The following SPRED2 variants were observed in gnomAD, a reference collection of about 807,000 sequenced individuals.
SPRED2 encodes the protein sprouty-related, EVH1 domain-containing protein 2.
Under a neutral mutation model 43.0 loss-of-function variants are expected in SPRED2, and 47 were observed. That is an observed-to-expected ratio of 1.09 (90% confidence interval 0.87 to 1.40). The LOEUF (loss-of-function observed/expected upper bound fraction) is 1.40. SPRED2 is among the 40% of genes most tolerant of loss of function. The pLI is 0.00. For missense variants in SPRED2, 561 were observed against 586.4 expected, an observed-to-expected ratio of 0.96 and a Z score of 0.45; for synonymous variants, 225 against 225.7, an observed-to-expected ratio of 1.00 and a Z score of 0.03.
intron 4 of SPRED2, among the ~76,000 whole-genome samples, chr2:65,322,834 A>G (rs1673471694): frequency 1.3e-5 from 2 of 152,202 alleles, no homozygotes; most frequent in Admixed American, 1.3e-4. Context: ...ATTAGATGTT[A>G]TTAGATGATT....
At chr2:65,398,979 A>G (rs965570834) in intron 1 of SPRED2, among the ~76,000 whole-genome samples, 10 of 152,182 alleles carry the variant, frequency 6.6e-5, no homozygotes, top group Admixed American at 6.5e-5. Flanking sequence ...CAACAAGTGG[A>G]TAGAGAAAAT....
chr2:65,348,742 G>A (rs1212382149), intron 1 of SPRED2, among the ~76,000 whole-genome samples: 2 of 150,374 alleles, frequency 1.3e-5, no homozygotes, highest in African/African-American at 4.9e-5. Flanking sequence ...AGGCAGAGCT[G>A]AGATCGCGCC....
chr2:65,410,526 G>A (rs1572900343), intron 1 of SPRED2, among the ~76,000 whole-genome samples: 1 of 152,068 alleles, frequency 6.6e-6, no homozygotes, highest in Non-Finnish European at 1.5e-5. Context: ...TTGGGAGGCC[G>A]AGGCGGGCGG....
At chr2:65,366,792 G>A in intron 1 of SPRED2, 1 of 1,312,916 alleles carries the variant, frequency 7.6e-7, no homozygotes, top group Non-Finnish European at 9.7e-7. Flanking sequence ...TCATCCGAGG[G>A]TTAGTCCGCA....
In SPRED2 at chr2:65,428,914, T is replaced by A. The variant is rs950282009; in HGVS notation, c.26+3048A>T. 2.7e-4 allele frequency among the ~76,000 whole-genome samples: 41 copies of A among 152,254 alleles called. 1 individual carries two copies. Among genetic ancestry groups the A allele is most frequent in the Admixed American group, 2.5e-3 (38 of 15,290 alleles). ...CCTATGCACAGAGGACGACTTACAA[T>A]AGTTTGCTGATGCTCTTCGCTTCTT... On this transcript the variant is annotated intron_variant, in intron 1 of 5. Coordinates refer to ENST00000356388, the MANE Select transcript of SPRED2 (RefSeq NM_181784.3).
intron 5 of SPRED2, 49 bp downstream of exon 5, chr2:65,316,685 A>T (rs2104117896): frequency 1.3e-6 from 2 of 1,567,980 alleles, no homozygotes; most frequent in Non-Finnish European, 1.7e-6. Flanking sequence ...CCATTCCAGA[A>T]TCAGAGGCAC....
intron 1 of SPRED2, chr2:65,377,527 A>G (rs1395705128): frequency 4.3e-6 from 2 of 467,338 alleles, no homozygotes; most frequent in African/African-American, 4.0e-5. Flanking sequence ...AAATTCTAAC[A>G]GTGTTCGGTC....
At chr2:65,343,633 T>A (rs1025046164) in intron 2 of SPRED2, among the ~76,000 whole-genome samples, 2 of 152,202 alleles carry the variant, frequency 1.3e-5, no homozygotes, top group South Asian at 4.1e-4. Flanking sequence ...CACTCCATGA[T>A]CAAATACAGA....
intron 1 of SPRED2, among the ~76,000 whole-genome samples, chr2:65,413,884 C>T (rs1213100484): frequency 1.3e-5 from 2 of 152,102 alleles, no homozygotes; most frequent in Admixed American, 6.5e-5. Context: ...GGCCAGAAAG[C>T]GTCAAATCTA....
At chr2:65,361,824 C>G (rs779294777) in intron 1 of SPRED2, among the ~76,000 whole-genome samples, 2 of 152,182 alleles carry the variant, frequency 1.3e-5, no homozygotes, top group Non-Finnish European at 2.9e-5. Flanking sequence ...CTCTTCACCC[C>G]TCCCAAGCAG....
chr2:65,388,453 G>A (rs971048127), intron 1 of SPRED2, among the ~76,000 whole-genome samples: 1 of 152,098 alleles, frequency 6.6e-6, no homozygotes, highest in African/African-American at 2.4e-5. Context: ...CTTGATCCTG[G>A]GCCTTGAAAA....
In SPRED2 at chr2:65,312,099, T is replaced by C; in HGVS notation, c.*1402A>G. The C allele has an allele frequency of 1.0e-6, 1 of 985,454 alleles. No individual in the cohort carries two copies. The highest frequency in any genetic ancestry group is 1.2e-6 in the Non-Finnish European group (1 of 829,916). 61.0% of individuals were successfully genotyped at this position (985,454 alleles called of 1,614,324 possible). A position where few individuals can be genotyped will look rare whatever the true frequency, so the allele number is the denominator to read the frequency against. On this transcript the variant is annotated 3_prime_UTR_variant, in exon 6 of 6. Transcript: ENST00000356388. ...CTCTTCACTTTTCTTCTTTCTTCAA[T>C]AAGAAGATTTGGCTAATCCTTGCAA...
intron 1 of SPRED2, among the ~76,000 whole-genome samples, chr2:65,371,226 A>G (rs1431123489): frequency 6.6e-6 from 1 of 152,194 alleles, no homozygotes; most frequent in Non-Finnish European, 1.5e-5. Flanking sequence ...ATTTGGGGGA[A>G]ATGAATCCAC....
At chr2:65,399,015 A>G (rs1572893417) in intron 1 of SPRED2, among the ~76,000 whole-genome samples, 1 of 152,352 alleles carries the variant, frequency 6.6e-6, no homozygotes, top group Admixed American at 6.5e-5. Flanking sequence ...GCGGTGGCTC[A>G]TGCCTGTAAT....
chr2:65,337,065 G>A (rs1673987532), intron 2 of SPRED2, among the ~76,000 whole-genome samples: 1 of 152,050 alleles, frequency 6.6e-6, no homozygotes. Flanking sequence ...CCGAGATCGT[G>A]CCACTGCAGT....
At chr2:65,344,312 C>T in intron 2 of SPRED2, 1 of 260,236 alleles carries the variant, frequency 3.8e-6, no homozygotes, top group Non-Finnish European at 7.6e-6. Flanking sequence ...TCTGTTTTAC[C>T]TGCCACCATC....
chr2:65,421,417 C>G (rs1268187704), intron 1 of SPRED2, among the ~76,000 whole-genome samples: 1 of 152,168 alleles, frequency 6.6e-6, no homozygotes, highest in African/African-American at 2.4e-5. Flanking sequence ...TGGCATAATT[C>G]CTGGGGAGTT....
At chr2:65,352,646 G>A (rs568428508) in intron 1 of SPRED2, among the ~76,000 whole-genome samples, 6 of 152,276 alleles carry the variant, frequency 3.9e-5, no homozygotes, top group African/African-American at 1.2e-4. Context: ...TTTTTGAGAC[G>A]GAGTTTCACC....
chr2:65,339,187 G>C (rs1674102220), intron 2 of SPRED2, among the ~76,000 whole-genome samples: 1 of 148,972 alleles, frequency 6.7e-6, no homozygotes, highest in African/African-American at 2.5e-5. Context: ...GGGAGGTGGG[G>C]AGCCCCTCTG....
Sources: gnomAD v4.1 joint callset for allele counts (sites outside exome capture counted in the v4.1 genomes callset) on GRCh38, gnomAD v4.1.1 for gene constraint, MANE v1.5 for transcripts, NCBI Gene and HGNC (gene_info 2026-07-23, HGNC 2026-07-21) for gene names.